Variants in MYBPC3 observed in about 807,000 individuals in gnomAD.
MYBPC3 encodes the protein myosin binding protein C3, also known as myosin-binding protein C, cardiac-type.
In MYBPC3, 108 loss-of-function variants were observed where a neutral mutation model predicts 159.3. That is an observed-to-expected ratio of 0.68 (90% CI 0.58 to 0.80). MYBPC3 has a LOEUF of 0.80. MYBPC3 is among the 30% of genes least tolerant of loss of function. The pLI, the probability that MYBPC3 is intolerant of heterozygous loss-of-function variation, is 0.00. For synonymous variants in MYBPC3, 730 were observed against 702.0 expected (o/e 1.04, Z -0.63); for missense variants, 1,631 against 1,762.1 (o/e 0.93, Z 1.33).
At position 47,332,348 on chromosome 11, in the gene MYBPC3, CGGG is replaced by C; in HGVS notation, c.3628-93_3628-91del. On this transcript the variant is annotated intron_variant, in intron 32 of 34. Transcript: ENST00000545968. This position sits in a 1 kb window ranked among gnomAD's most constrained non-coding sequence, Gnocchi z 4.2. ...AGGGAGACACATCTGTGTTTCTACT[CGGG>C]GGGTCCCACGAGAGTCCCTGACTAT... 3 of 1,499,484 alleles carry C rather than the reference CGGG, an allele frequency of 2.0e-6. No individual in the cohort carries two copies. Among genetic ancestry groups the C allele is most frequent in the Non-Finnish European group, 2.8e-6 (3 of 1,082,460 alleles). The allele number at this position is 1,499,484 out of a possible 1,614,324, so 92.9% of individuals were successfully genotyped here.
rs370223247 is a variant in MYBPC3 at position 47,333,635 on chromosome 11, C to T, written c.3112G>A (p.Val1038Met). 1.7e-5 allele frequency: 27 copies of T among 1,607,600 alleles called. No individual in the cohort carries two copies. Among genetic ancestry groups the T allele is most frequent in the East Asian group, 2.2e-5 (1 of 44,900 alleles). Residue 1038 changes from valine (V) to methionine (M), a missense_variant, in exon 29 of 35, where the codon GTG becomes ATG. Physicochemically the swap from Val to Met is conservative, Grantham distance 21. Transcript: ENST00000545968. ...TILFIRAARRVHSGTYQVTVR... is the reference protein window; with the variant it reads ...TILFIRAARRMHSGTYQVTVR... ...GTCACCTGGTAAGTGCCTGAATGCA[C>T]GCGGCGAGCGGCCCGGATGAACAGG... is the stretch of plus-strand genomic sequence containing the variant.
rs730880680 is a variant in MYBPC3 at position 47,350,062 on chromosome 11, GGT to G, written c.455_456del (p.Asp152AlafsTer88). On this transcript the variant is annotated frameshift_variant, in exon 4 of 35. Transcript: ENST00000545968. LOFTEE classifies it high-confidence loss of function. Reference sequence around the variant, plus strand: ...GGCCGCATCACGAAGAGGCCAATGGGGTCATCGGGGGCTCCAGGGGTAGGACC... The same window carrying G: ...GGCCGCATCACGAAGAGGCCAATGGGCATCGGGGGCTCCAGGGGTAGGACC... Reference protein sequence around the residue: ...LNGPTPGAPDDPIGLFVMRPQ... With the variant: ...LNGPTPGAPDXPIGLFVMRPQ... The G allele has an allele frequency of 6.4e-7, 1 of 1,563,536 alleles. No individual in the cohort carries two copies. Among genetic ancestry groups the G allele is most frequent in the Non-Finnish European group, 8.7e-7 (1 of 1,153,610 alleles).
At chr11:47,336,176 T>C (rs1595843133) in intron 25 of MYBPC3, among the ~76,000 whole-genome samples, 165 bp from the exon 26 acceptor site, 1 of 152,062 alleles carries the variant, frequency 6.6e-6, no homozygotes, top group East Asian at 1.9e-4. Flanking sequence ...GACATGTCTG[T>C]AGATTGGCTT....
In MYBPC3 at chr11:47,333,647, C is replaced by T. The variant is rs1460284202; in HGVS notation, c.3100G>A (p.Ala1034Thr). Residue 1034 changes from alanine (A) to threonine (T), a missense_variant, in exon 29 of 35, where the codon GCC becomes ACC. By Grantham distance (58) the Ala-to-Thr change is moderately conservative. Coordinates refer to ENST00000545968, the MANE Select transcript of MYBPC3 (RefSeq NM_000256.3). ...SPTDTILFIRAARRVHSGTYQ... is the reference protein window; with the variant it reads ...SPTDTILFIRTARRVHSGTYQ... ...GTGCCTGAATGCACGCGGCGAGCGG[C>T]CCGGATGAACAGGATGGTGTCTGTG... 14 of 1,609,602 alleles carry T rather than the reference C, an allele frequency of 8.7e-6. No homozygotes were observed. Among genetic ancestry groups the T allele is most frequent in the Non-Finnish European group, 9.3e-6 (11 of 1,179,832 alleles).
Position 47,333,628 on chromosome 11 carries a change from G to A in MYBPC3, c.3119C>T (p.Ser1040Leu), listed in dbSNP as rs2095879499. Reference protein sequence around the residue: ...LFIRAARRVHSGTYQVTVRIE... With the variant: ...LFIRAARRVHLGTYQVTVRIE... The stretch of plus-strand genomic sequence containing the variant: ...GCGCACCGTCACCTGGTAAGTGCCT[G>A]AATGCACGCGGCGAGCGGCCCGGAT... Residue 1040 changes from serine to leucine, a missense_variant, in exon 29 of 35, where the codon TCA becomes TTA. By Grantham distance (145) the Ser-to-Leu change is moderately radical (BLOSUM62 -2). Coordinates refer to ENST00000545968, the MANE Select transcript of MYBPC3 (RefSeq NM_000256.3). 4.4e-6 allele frequency: 7 copies of A among 1,606,698 alleles called. No homozygotes were observed. The highest frequency in any genetic ancestry group is 5.1e-6 in the Non-Finnish European group (6 of 1,179,828).
Position 47,348,410 on chromosome 11 carries a change from C to G in MYBPC3, c.772+14G>C, listed in dbSNP as rs753073163. 1.3e-6 allele frequency: 2 copies of G among 1,592,046 alleles called. No individual in the cohort carries two copies. ...GGGAGCCCGAGCCCAGGACAGACAC[C>G]AGGGCCCCCTCACCGTGGACAGTGA... On this transcript the variant is annotated intron_variant, in intron 6 of 34. Transcript: ENST00000545968.
In MYBPC3 at chr11:47,351,144, T is replaced by G; in HGVS notation, c.292+95A>C. On this transcript the variant is annotated intron_variant, in intron 2 of 34. Transcript: ENST00000545968. The surrounding 1 kb of genome is among the most constrained non-coding windows in gnomAD (Gnocchi z 4.2). ...CAGCCACAGCAAAGGCAAGAAAGTG[T>G]GAAAGCACCTCCTGTTCCCTGGATG... 1.4e-6 allele frequency: 2 copies of G among 1,397,982 alleles called. No individual in the cohort carries two copies. The highest frequency in any genetic ancestry group is 1.9e-6 in the Non-Finnish European group (2 of 1,064,172). 86.6% of individuals were successfully genotyped at this position (1,397,982 alleles called of 1,614,324 possible). A position where few individuals can be genotyped will look rare whatever the true frequency, so the allele number is the denominator to read the frequency against.
Position 47,351,651 on chromosome 11 carries a change from T to C in MYBPC3, c.26-146A>G. ...CAGTTCTCTGAGGTAGTTGCAGTTATTCTGTTCATTTCTCAGAGGAGGACA... is the reference window on the plus strand; with the variant it reads ...CAGTTCTCTGAGGTAGTTGCAGTTACTCTGTTCATTTCTCAGAGGAGGACA... On this transcript the variant is annotated intron_variant, in intron 1 of 34. Coordinates refer to ENST00000545968, the MANE Select transcript of MYBPC3 (RefSeq NM_000256.3). The surrounding 1 kb of genome is among the most constrained non-coding windows in gnomAD (Gnocchi z 4.2). The C allele has an allele frequency of 9.9e-7, 1 of 1,011,870 alleles. No individual in the cohort carries two copies. Among genetic ancestry groups the C allele is most frequent in the Non-Finnish European group, 1.4e-6 (1 of 731,616 alleles). 62.7% of individuals were successfully genotyped at this position (1,011,870 alleles called of 1,614,324 possible).
At chr11:47,340,116 AC>A (rs2095886837) in intron 20 of MYBPC3, among the ~76,000 whole-genome samples, 1 of 147,972 alleles carries the variant, frequency 6.8e-6, no homozygotes, top group African/African-American at 2.5e-5. Flanking sequence ...ACACACACAC[AC>A]AATACACACA....
chr11:47,335,851 G>A (rs2142853531), intron 26 of MYBPC3, 26 bp downstream of exon 26: 2 of 1,430,222 alleles, frequency 1.4e-6, no homozygotes, highest in South Asian at 1.5e-5. Flanking sequence ...CCTTTGGGGA[G>A]GGGGGTTGGG....
intron 28 of MYBPC3, 64 bp from the exon 29 acceptor site, chr11:47,333,816 C>T (rs1305255328): frequency 5.2e-6 from 8 of 1,548,576 alleles, no homozygotes; most frequent in East Asian, 2.4e-5. Flanking sequence ...CCACCCCAGC[C>T]TCTGGTACCT....
At chr11:47,334,882 C>G (rs2095880692) in intron 27 of MYBPC3, among the ~76,000 whole-genome samples, 160 bp downstream of exon 27, 1 of 152,122 alleles carries the variant, frequency 6.6e-6, no homozygotes, top group African/African-American at 2.4e-5. Flanking sequence ...GCACTTTTTC[C>G]CTAGGCCTAG....
chr11:47,341,890 T>G, intron 18 of MYBPC3, 101 bp downstream of exon 18: 1 of 1,458,412 alleles, frequency 6.9e-7, no homozygotes. Context: ...TCTGCCTCTC[T>G]GTCCACCTGT....
At position 47,338,288 on chromosome 11, in the gene MYBPC3, C is replaced by T. The variant is rs935159525; in HGVS notation, c.2308+232G>A. On this transcript the variant is annotated intron_variant, in intron 23 of 34. Coordinates refer to ENST00000545968, the MANE Select transcript of MYBPC3 (RefSeq NM_000256.3). The surrounding 1 kb of genome is among the most constrained non-coding windows in gnomAD (Gnocchi z 4.7). ...GATGGCTCTCTGCTCAGTGCTCCCA[C>T]GGCACTCTGGACATGGCTCATGTAC... is the stretch of plus-strand genomic sequence containing the variant. Among the ~76,000 whole-genome samples, 1 of 152,320 alleles carries T rather than the reference C, an allele frequency of 6.6e-6. No homozygotes were observed. Among genetic ancestry groups the T allele is most frequent in the Non-Finnish European group, 1.5e-5 (1 of 68,028 alleles).
At chr11:47,341,308 C>T in intron 18 of MYBPC3, 64 bp from the exon 19 acceptor site, 1 of 1,333,032 alleles carries the variant, frequency 7.5e-7, no homozygotes. Flanking sequence ...TGCCAGATAC[C>T]CCAGCCAGGG....
At chr11:47,343,656 A>G in intron 12 of MYBPC3, 32 bp from the exon 13 acceptor site, 1 of 1,442,364 alleles carries the variant, frequency 6.9e-7, no homozygotes, top group Non-Finnish European at 9.1e-7. Context: ...CGGCCACCCC[A>G]CCGCCCGCAC....
chr11:47,337,853 T>C, intron 23 of MYBPC3, 59 bp from the exon 24 acceptor site: 1 of 1,453,328 alleles, frequency 6.9e-7, no homozygotes, highest in Non-Finnish European at 9.4e-7. Context: ...TTGAGTAACG[T>C]TGCTCGTCCC....
chr11:47,340,940 G>C (rs2095887802), intron 20 of MYBPC3, 63 bp downstream of exon 20: 2 of 1,457,718 alleles, frequency 1.4e-6, no homozygotes, highest in East Asian at 5.1e-5. Context: ...GTGGAGGGGA[G>C]GCCTGCGTGG....
At chr11:47,347,227 G>A in intron 9 of MYBPC3, 198 bp from the exon 10 acceptor site, 9 of 985,414 alleles carry the variant, frequency 9.1e-6, no homozygotes, top group Non-Finnish European at 1.1e-5. Flanking sequence ...GGGACACTGT[G>A]AGGATGACTG....
Sources: allele counts gnomAD v4.1 joint callset (sites outside exome capture counted in the v4.1 genomes callset), GRCh38; gene constraint gnomAD v4.1.1; non-coding constraint Gnocchi (gnomAD v3.1); transcripts MANE v1.5; gene names NCBI Gene and HGNC (gene_info 2026-07-23, HGNC 2026-07-21).